Variants in BRDT observed in about 807,000 individuals in gnomAD.
BRDT encodes the protein bromodomain testis associated.
In BRDT, 77 loss-of-function variants were observed where a neutral mutation model predicts 113.9. The ratio of observed to expected loss-of-function variants is 0.68; its 90% confidence interval spans 0.56 to 0.82. The LOEUF (loss-of-function observed/expected upper bound fraction) is 0.82. BRDT is among the 40% of genes least tolerant of loss of function. The pLI, the probability that BRDT is intolerant of heterozygous loss-of-function variation, is 0.00. For missense variants in BRDT, 1,027 were observed against 1,105.4 expected, an observed-to-expected ratio of 0.93 and a Z score of 1.01; for synonymous variants, 358 against 366.5, an observed-to-expected ratio of 0.98 and a Z score of 0.26.
chr1:92,007,425 T>C (rs1687417830), intron 18 of BRDT, among the ~76,000 whole-genome samples: 1 of 152,198 alleles, frequency 6.6e-6, no homozygotes. Context: ...TGTCTGCTGT[T>C]TCCTTCTTTG....
rs922217699 is a variant in BRDT, at chr1:91,956,892, T to G, written c.-37-5826T>G. 4.6e-5 allele frequency among the ~76,000 whole-genome samples: 7 copies of G among 152,292 alleles called. No homozygotes were observed. In the South Asian group the frequency reaches 8.3e-4, roughly 18 times the overall value. On this transcript the variant is annotated intron_variant, in intron 1 of 18. Transcript: ENST00000399546. The stretch of plus-strand genomic sequence containing the variant: ...AGTTCAAGATTGCAGTGAGCCATGA[T>G]TGAGCCACTGCACCCCTGCTTGGGT...
At chr1:92,009,684 G>A (rs1032337730) in intron 18 of BRDT, among the ~76,000 whole-genome samples, 2 of 151,226 alleles carry the variant, frequency 1.3e-5, no homozygotes, top group African/African-American at 4.9e-5. Context: ...CAGTAGCTGG[G>A]ACCACAGGCA....
chr1:91,993,429 G>GT, intron 14 of BRDT, among the ~76,000 whole-genome samples: 1 of 152,280 alleles, frequency 6.6e-6, no homozygotes, highest in South Asian at 2.1e-4. Flanking sequence ...TCTAGAAAAT[G>GT]TAAGTAGAGA....
chr1:92,000,611 T>C (rs1366724344), intron 15 of BRDT, among the ~76,000 whole-genome samples: 1 of 152,164 alleles, frequency 6.6e-6, no homozygotes, highest in Admixed American at 6.5e-5. Context: ...TGTAAGTCCC[T>C]ATAATATGTA....
intron 12 of BRDT, among the ~76,000 whole-genome samples, chr1:91,987,171 C>T (rs771815970): frequency 9.2e-5 from 14 of 152,074 alleles, no homozygotes; most frequent in Admixed American, 4.6e-4. Flanking sequence ...CTGCCTGCCT[C>T]GGCCTCCCAA....
intron 4 of BRDT, among the ~76,000 whole-genome samples, chr1:91,970,243 T>C (rs1377368918): frequency 6.6e-6 from 1 of 152,192 alleles, no homozygotes; most frequent in Non-Finnish European, 1.5e-5. Context: ...ATGTAACATA[T>C]GCTGTGTTTG....
At chr1:91,975,128 T>G (rs1057390407) in intron 4 of BRDT, among the ~76,000 whole-genome samples, 2 of 151,822 alleles carry the variant, frequency 1.3e-5, no homozygotes, top group African/African-American at 2.4e-5. Context: ...CCGGGGCCTG[T>G]CGTGGGGTAG....
chr1:91,968,734 CAT>C (rs1683320086), intron 4 of BRDT, among the ~76,000 whole-genome samples: 1 of 152,112 alleles, frequency 6.6e-6, no homozygotes, highest in African/African-American at 2.4e-5. Context: ...AACTAATAAT[CAT>C]ATCATTTAAA....
intron 1 of BRDT, among the ~76,000 whole-genome samples, chr1:91,961,782 G>GCTAAGAA (rs1682475816): frequency 6.6e-6 from 1 of 151,990 alleles, no homozygotes; most frequent in African/African-American, 2.4e-5. Context: ...TTCCGACTAG[G>GCTAAGAA]AATTTATAGA....
intron 14 of BRDT, among the ~76,000 whole-genome samples, 153 bp from the exon 15 acceptor site, chr1:91,993,930 A>G (rs1166419146): frequency 6.6e-6 from 1 of 152,220 alleles, no homozygotes; most frequent in Non-Finnish European, 1.5e-5. Flanking sequence ...CAAGATAGGG[A>G]TAACTATACA....
Position 91,981,376 on chromosome 1 carries a change from C to G in BRDT, c.1859C>G (p.Thr620Arg). The change falls in exon 11 of 19, where the codon ACA becomes AGA. Residue 620 changes from threonine to arginine, a missense_variant. By Grantham distance (71) the Thr-to-Arg change is moderately conservative (BLOSUM62 -1). Coordinates refer to ENST00000399546, the MANE Select transcript of BRDT (RefSeq NM_207189.4). Reference protein sequence around the residue: ...NNQLNSRKRQTKSDKTQPSKA... With the variant: ...NNQLNSRKRQRKSDKTQPSKA... ...CAGTTAAATTCTAGAAAACGTCAAA[C>G]AAAATGTAGGTGGCAGTTTTTGTTT... 6.2e-7 allele frequency: 1 copy of G among 1,611,482 alleles called. No homozygotes were observed. The highest frequency in any genetic ancestry group is 8.5e-7 in the Non-Finnish European group (1 of 1,178,064).
chr1:92,004,640 A>G, intron 17 of BRDT, 21 bp downstream of exon 17: 1 of 1,572,060 alleles, frequency 6.4e-7, no homozygotes. Flanking sequence ...TACTGGATTA[A>G]AGGAGGGTTT....
chr1:91,968,913 T>C (rs1320548806), intron 4 of BRDT, among the ~76,000 whole-genome samples: 1 of 7,118 alleles, frequency 1.4e-4, no homozygotes. Flanking sequence ...TCAGGAAAAT[T>C]ATTTATTTAT....
Position 91,964,670 on chromosome 1 carries a change from T to A in BRDT, c.236T>A (p.Ile79Asn). The A allele has an allele frequency of 6.7e-7, 1 of 1,498,222 alleles. No individual in the cohort carries two copies. The highest frequency in any genetic ancestry group is 1.4e-5 in the African/African-American group (1 of 72,512). 92.8% of individuals were successfully genotyped at this position (1,498,222 alleles called of 1,614,324 possible). ...AAAAACCCAATGGATTTAAATACAATTAAGAAGCGCTTGGAGAATAAATAT... is the reference window on the plus strand; with the variant it reads ...AAAAACCCAATGGATTTAAATACAAATAAGAAGCGCTTGGAGAATAAATAT... ...IIKNPMDLNT[I>N]KKRLENKYYA... The change falls in exon 3 of 19, where the codon ATT (isoleucine) becomes AAT (asparagine). Residue 79 changes from isoleucine (I) to asparagine (N), a missense_variant. Coordinates refer to ENST00000399546, the MANE Select transcript of BRDT (RefSeq NM_207189.4).
intron 18 of BRDT, among the ~76,000 whole-genome samples, chr1:92,009,323 T>TTA (rs148636201): frequency 0.067 from 10,165 of 151,918 alleles, 389 homozygotes; most frequent in African/African-American, 0.096. Flanking sequence ...TAGTGTTCCA[T>TTA]TATATATATA....
intron 4 of BRDT, among the ~76,000 whole-genome samples, chr1:91,974,266 A>C (rs1279737716): frequency 6.6e-6 from 1 of 152,246 alleles, no homozygotes; most frequent in Non-Finnish European, 1.5e-5. Context: ...AATGGCAACA[A>C]AAGCCGAAAT....
rs776849012 is a variant in BRDT at position 91,962,923 on chromosome 1, G to T, written c.169G>T (p.Asp57Tyr). 1 of 1,600,986 alleles carries T rather than the reference G, an allele frequency of 6.2e-7. No homozygotes were observed. Among genetic ancestry groups the T allele is most frequent in the Non-Finnish European group, 8.5e-7 (1 of 1,175,604 alleles). Residue 57 changes from aspartate to tyrosine, a missense_variant, in exon 2 of 19, where the codon GAT becomes TAT. Coordinates refer to ENST00000399546, the MANE Select transcript of BRDT (RefSeq NM_207189.4). Reference sequence around the variant, plus strand: ...TTCATGGCCCTTTCAACGTCCTGTGGATGCTGTGAAACTACAGTTGCCTGT... The same window carrying T: ...TTCATGGCCCTTTCAACGTCCTGTGTATGCTGTGAAACTACAGTTGCCTGT... Reference protein sequence around the residue: ...SFSWPFQRPVDAVKLQLPDYY... With the variant: ...SFSWPFQRPVYAVKLQLPDYY...
chr1:92,010,267 ATTTTTTTTT>A (rs373305680), intron 18 of BRDT, among the ~76,000 whole-genome samples: 1 of 101,046 alleles, frequency 9.9e-6, no homozygotes. Context: ...TGCTCTTTTA[ATTTTTTTTT>A]TTTTTTTTTT....
At chr1:91,967,756 C>T (rs891075191) in intron 3 of BRDT, among the ~76,000 whole-genome samples, 3 of 152,166 alleles carry the variant, frequency 2.0e-5, no homozygotes, top group African/African-American at 7.2e-5. Flanking sequence ...TGGTCTCGAA[C>T]TCCCGACCTC....
Sources: allele counts gnomAD v4.1 joint callset (sites outside exome capture counted in the v4.1 genomes callset), GRCh38; gene constraint gnomAD v4.1.1; transcripts MANE v1.5; gene names NCBI Gene and HGNC (gene_info 2026-07-23, HGNC 2026-07-21).